Variants in PDE11A observed in about 807,000 individuals in gnomAD.
PDE11A encodes the protein phosphodiesterase 11A.
A neutral mutation model predicts 100.5 loss-of-function variants in PDE11A; 100 were observed. That is an observed-to-expected ratio of 1.00 (90% CI 0.85 to 1.18). The LOEUF (loss-of-function observed/expected upper bound fraction) is 1.18. Ranked by LOEUF, PDE11A falls within the 50% of genes most tolerant of loss-of-function variation. The pLI is 0.00. For synonymous variants in PDE11A, 381 were observed against 420.8 expected, an observed-to-expected ratio of 0.91 and a Z score of 1.16; for missense variants, 1,141 against 1,152.6, an observed-to-expected ratio of 0.99 and a Z score of 0.15.
intron 2 of PDE11A, among the ~76,000 whole-genome samples, chr2:177,995,550 T>C (rs1208429435): frequency 6.6e-6 from 1 of 151,988 alleles, no homozygotes; most frequent in Admixed American, 6.6e-5. Context: ...GGAGGGAAGA[T>C]TAACTGTGAA....
At position 177,629,516 on chromosome 2, in the gene PDE11A, A is replaced by G; in HGVS notation, c.2693T>C (p.Val898Ala). Reference protein sequence around the residue: ...NVKLKPMLDSVATNRSKWEEL... With the variant: ...NVKLKPMLDSAATNRSKWEEL... ...TTCCCACTTACTTCTGTTTGTAGCTACTGAATCTAGCATCGGCTTCAGTTT... is the reference window on the plus strand; with the variant it reads ...TTCCCACTTACTTCTGTTTGTAGCTGCTGAATCTAGCATCGGCTTCAGTTT... The change falls in exon 20 of 20, where the codon GTA (valine) becomes GCA (alanine). Residue 898 changes from valine to alanine, a missense_variant. Val to Ala is a moderately conservative substitution (Grantham distance 64). Transcript: ENST00000286063. 6.8e-6 allele frequency: 11 copies of G among 1,614,014 alleles called. No individual in the cohort carries two copies. Among genetic ancestry groups the G allele is most frequent in the Non-Finnish European group, 9.3e-6 (11 of 1,179,956 alleles).
At chr2:177,718,968 T>C (rs917782492) in intron 12 of PDE11A, among the ~76,000 whole-genome samples, 1 of 152,226 alleles carries the variant, frequency 6.6e-6, no homozygotes, top group Non-Finnish European at 1.5e-5. Context: ...CAGCCGCCCC[T>C]TGCTGCACAT....
At chr2:177,703,194 T>C (rs1336169487) in intron 13 of PDE11A, among the ~76,000 whole-genome samples, 1 of 152,178 alleles carries the variant, frequency 6.6e-6, no homozygotes, top group Non-Finnish European at 1.5e-5. Flanking sequence ...TATTTTATAA[T>C]ACTAATATTA....
intron 4 of PDE11A, among the ~76,000 whole-genome samples, chr2:177,885,989 G>A (rs2084424061): frequency 6.6e-6 from 1 of 152,174 alleles, no homozygotes; most frequent in African/African-American, 2.4e-5. Context: ...GATGATACAT[G>A]AGAAGAGAAC....
intron 19 of PDE11A, among the ~76,000 whole-genome samples, chr2:177,662,008 C>T (rs35655847): frequency 6.6e-6 from 1 of 152,116 alleles, no homozygotes; most frequent in African/African-American, 2.4e-5. Flanking sequence ...ATCTAACCGA[C>T]AGATAAGTAG....
At chr2:177,998,900 C>G (rs2086110444) in intron 2 of PDE11A, 1 of 500,570 alleles carries the variant, frequency 2.0e-6, no homozygotes, top group East Asian at 3.1e-5. Flanking sequence ...AAGTGTAAAA[C>G]AATGGAAACA....
intron 17 of PDE11A, among the ~76,000 whole-genome samples, chr2:177,672,112 C>G (rs2080692409): frequency 6.6e-6 from 1 of 152,178 alleles, no homozygotes; most frequent in Non-Finnish European, 1.5e-5. Flanking sequence ...CTGCAGTCTA[C>G]TCACCAACTC....
chr2:177,744,222 G>T (rs1347437296), intron 10 of PDE11A, among the ~76,000 whole-genome samples: 1 of 152,204 alleles, frequency 6.6e-6, no homozygotes, highest in Non-Finnish European at 1.5e-5. Context: ...ATTAAGTTGG[G>T]GGTAGGAGGA....
chr2:177,905,096 A>T lies in PDE11A; in HGVS notation c.1161+2T>A. Reference sequence around the variant, plus strand: ...GTGTCAACAATGTTTTTATTTACTCACTCTGCTTCTTTCATATTCTTTCCT... The same window carrying T: ...GTGTCAACAATGTTTTTATTTACTCTCTCTGCTTCTTTCATATTCTTTCCT... On this transcript the variant is annotated splice_donor_variant, in intron 3 of 19. Transcript: ENST00000286063. LOFTEE classifies it high-confidence loss of function. The T allele has an allele frequency of 6.5e-7, 1 of 1,529,124 alleles. No individual in the cohort carries two copies. Among genetic ancestry groups the T allele is most frequent in the Non-Finnish European group, 9.1e-7 (1 of 1,102,236 alleles). 94.7% of individuals were successfully genotyped at this position (1,529,124 alleles called of 1,614,324 possible).
rs187622968 is a variant in PDE11A at position 177,920,350 on chromosome 2, A to G, written c.1072-15163T>C. 1.0e-3 allele frequency among the ~76,000 whole-genome samples: 158 copies of G among 152,266 alleles called. 1 individual carries two copies. Among genetic ancestry groups the G allele is most frequent in the Non-Finnish European group, 2.8e-4 (19 of 67,996 alleles). On this transcript the variant is annotated intron_variant, in intron 2 of 19. Transcript: ENST00000286063. ...AAAAATCAGAAAAAAAAATACCTCA[A>G]AAATGGTCAAAAGATATAAACAGGA...
chr2:177,826,253 C>G (rs1374421053), intron 6 of PDE11A, among the ~76,000 whole-genome samples: 1 of 152,148 alleles, frequency 6.6e-6, no homozygotes, highest in African/African-American at 2.4e-5. Context: ...TGGTTTAGCT[C>G]TTGGAGCCAT....
intron 2 of PDE11A, among the ~76,000 whole-genome samples, chr2:177,930,589 G>A (rs2085192425): frequency 6.6e-6 from 1 of 152,232 alleles, no homozygotes; most frequent in Non-Finnish European, 1.5e-5. Flanking sequence ...AGCCTCCATG[G>A]CCCAAGCCTC....
intron 2 of PDE11A, among the ~76,000 whole-genome samples, chr2:177,991,253 C>T (rs930751189): frequency 2.0e-5 from 3 of 150,550 alleles, no homozygotes; most frequent in Non-Finnish European, 4.4e-5. Flanking sequence ...ATCGCTTGAA[C>T]CTGGGAGGCG....
intron 9 of PDE11A, among the ~76,000 whole-genome samples, chr2:177,782,418 C>T (rs1198219599): frequency 6.6e-6 from 1 of 152,184 alleles, no homozygotes; most frequent in East Asian, 1.9e-4. Context: ...GGACTTGCCA[C>T]CCTATGCCAT....
intron 18 of PDE11A, among the ~76,000 whole-genome samples, chr2:177,665,185 T>C (rs1414435657): frequency 1.3e-5 from 2 of 152,022 alleles, no homozygotes; most frequent in Non-Finnish European, 2.9e-5. Context: ...AAAATGTTTC[T>C]TTAGAGCTGG....
chr2:177,709,507 A>G (rs1023703253), intron 13 of PDE11A, among the ~76,000 whole-genome samples: 1 of 152,150 alleles, frequency 6.6e-6, no homozygotes, highest in Non-Finnish European at 1.5e-5. Flanking sequence ...GGACTGTAGG[A>G]CTTTGAAGAG....
chr2:178,022,535 A>G (rs28621588), intron 1 of PDE11A, among the ~76,000 whole-genome samples: 1 of 152,088 alleles, frequency 6.6e-6, no homozygotes, highest in Admixed American at 6.6e-5. Flanking sequence ...AAAATTGTCT[A>G]GGTAAGGATG....
At chr2:177,786,701 A>G (rs1254620345) in intron 9 of PDE11A, among the ~76,000 whole-genome samples, 2 of 152,222 alleles carry the variant, frequency 1.3e-5, no homozygotes, top group Non-Finnish European at 2.9e-5. Flanking sequence ...AAAGGAGCTG[A>G]TGGAGCTGAA....
chr2:178,105,773 A>C (rs1225153802), intron 1 of PDE11A: 14 of 1,031,020 alleles, frequency 1.4e-5, no homozygotes, highest in Non-Finnish European at 1.8e-5. Flanking sequence ...GGGCCAGATC[A>C]CTTCCTCCAC....
Sources: allele counts gnomAD v4.1 joint callset (sites outside exome capture counted in the v4.1 genomes callset), GRCh38; gene constraint gnomAD v4.1.1; transcripts MANE v1.5; gene names NCBI Gene and HGNC (gene_info 2026-07-23, HGNC 2026-07-21).